The following STRIP1 variants were observed in gnomAD, a reference collection of about 807,000 sequenced individuals.
STRIP1 encodes striatin interacting protein 1, also known as striatin-interacting protein 1.
In STRIP1, 63 loss-of-function variants were observed where a neutral mutation model predicts 106.2. That is an observed-to-expected ratio of 0.59 (90% confidence interval 0.48 to 0.73). The LOEUF is 0.73. Among genes scored for constraint, STRIP1 ranks in the 30% least tolerant of loss-of-function variants. STRIP1 has a pLI of 0.00. For missense variants in STRIP1, 857 were observed against 1,074.8 expected (o/e 0.80, Z 2.83); for synonymous variants, 390 against 413.0 (o/e 0.94, Z 0.67).
At chr1:110,044,960 G>A (rs867180409) in intron 11 of STRIP1, 55 bp downstream of exon 11, 1 of 1,613,452 alleles carries the variant, frequency 6.2e-7, no homozygotes, top group East Asian at 2.2e-5. Context: ...TTGGTGTTTG[G>A]GATCCCAGGT....
intron 12 of STRIP1, 23 bp downstream of exon 12, chr1:110,045,101 T>TA: frequency 6.2e-7 from 1 of 1,612,322 alleles, no homozygotes; most frequent in Non-Finnish European, 8.5e-7. Context: ...GGGTGAGCTT[T>TA]TGGCTTGTTT....
chr1:110,044,715 A>T, intron 10 of STRIP1, 125 bp from the exon 11 acceptor site: 2 of 856,654 alleles, frequency 2.3e-6, no homozygotes, highest in Non-Finnish European at 3.5e-6. Flanking sequence ...AAAGAGAAAA[A>T]CAATTATAGG....
At chr1:110,047,394 A>G (rs1653078693) in intron 13 of STRIP1, 148 bp from the exon 14 acceptor site, 6 of 648,036 alleles carry the variant, frequency 9.3e-6, no homozygotes, top group East Asian at 8.2e-5. Flanking sequence ...TGCTTGGCAC[A>G]TTGTTTGTGT....
At chr1:110,038,900 T>C in intron 3 of STRIP1, 143 bp downstream of exon 3, 1 of 783,596 alleles carries the variant, frequency 1.3e-6, no homozygotes. Context: ...GCCAGATACA[T>C]GTAGAGTGGG....
intron 17 of STRIP1, chr1:110,049,864 G>A (rs1653209884): frequency 6.1e-6 from 2 of 327,278 alleles, no homozygotes; most frequent in Non-Finnish European, 1.1e-5. Context: ...AGGAGTCCAT[G>A]GGCTGCTTGC....
At chr1:110,050,250 G>A in intron 17 of STRIP1, 93 bp from the exon 18 acceptor site, 2 of 1,225,992 alleles carry the variant, frequency 1.6e-6, no homozygotes, top group South Asian at 2.5e-5. Flanking sequence ...AACAAGTGAG[G>A]GAGGAAAGCT....
At chr1:110,046,286 G>A (rs1653014191) in intron 12 of STRIP1, among the ~76,000 whole-genome samples, 1 of 151,988 alleles carries the variant, frequency 6.6e-6, no homozygotes, top group Non-Finnish European at 1.5e-5. Context: ...GATCACCTAA[G>A]GTCAGGAGTT....
At position 110,046,430 on chromosome 1, in the gene STRIP1, G is replaced by A. The variant is rs543754742; in HGVS notation, c.1417-250G>A. ...CAGGAAAATTGCTTGAACCTGGGAGGCGGAGGTGGCAGTGAGCCAAGATCA... is the reference window on the plus strand; with the variant it reads ...CAGGAAAATTGCTTGAACCTGGGAGACGGAGGTGGCAGTGAGCCAAGATCA... On this transcript the variant is annotated intron_variant, in intron 12 of 20. Transcript: ENST00000369795. 2.0e-5 allele frequency among the ~76,000 whole-genome samples: 3 copies of A among 152,278 alleles called. No individual in the cohort carries two copies. The East Asian group carries it at 5.8e-4, about 29-fold the overall frequency.
intron 5 of STRIP1, 132 bp from the exon 6 acceptor site, chr1:110,040,503 C>A: frequency 1.3e-6 from 1 of 789,456 alleles, no homozygotes; most frequent in Non-Finnish European, 2.0e-6. Context: ...TCTTAACCAC[C>A]GTGTCCTGTG....
intron 1 of STRIP1, among the ~76,000 whole-genome samples, chr1:110,037,433 A>C (rs1469922844): frequency 6.6e-6 from 1 of 152,218 alleles, no homozygotes; most frequent in Non-Finnish European, 1.5e-5. Context: ...TTTTGTCCTG[A>C]GCTGTTGACA....
intron 9 of STRIP1, 66 bp downstream of exon 9, chr1:110,043,336 T>A: frequency 3.4e-6 from 5 of 1,488,370 alleles, no homozygotes; most frequent in Non-Finnish European, 4.6e-6. Context: ...AGCAGCACAG[T>A]CCTTGGAGGA....
In STRIP1 at chr1:110,051,721, G is replaced by A. The variant is rs1213887924; in HGVS notation, c.2100G>A (p.Arg700=). 2 of 1,612,270 alleles carry A rather than the reference G, an allele frequency of 1.2e-6. No homozygotes were observed. Among genetic ancestry groups the A allele is most frequent in the Non-Finnish European group, 1.7e-6 (2 of 1,179,442 alleles). The change falls in exon 20 of 21, where the codon CGG becomes CGA. Residue 700 remains arginine (R), a synonymous_variant. Transcript: ENST00000369795. ...TCAAGTCAGCCCCCATCTTGAAGCG[G>A]GCCCTAAAGGTGAAACAAGCCATGA... ...VVFKSAPILK[R]ALKVKQAMMQ...
chr1:110,051,669 G>T lies in STRIP1; in HGVS notation c.2062-14G>T. ...TGTCTTCAACTTGGGCTGCTTGCTT[G>T]TTTCCCTTCCCAGATGCTGGTGGTG... On this transcript the variant is annotated splice_polypyrimidine_tract_variant and intron_variant, in intron 19 of 20. Transcript: ENST00000369795. 6.3e-7 allele frequency: 1 copy of T among 1,588,722 alleles called. No homozygotes were observed.
intron 19 of STRIP1, 128 bp from the exon 20 acceptor site, chr1:110,051,555 T>A: frequency 1.1e-6 from 1 of 937,544 alleles, no homozygotes; most frequent in South Asian, 1.6e-5. Flanking sequence ...AACTCTTCAG[T>A]CCAAGGGAAA....
intron 5 of STRIP1, chr1:110,039,775 G>A: frequency 1.5e-6 from 2 of 1,303,532 alleles, no homozygotes; most frequent in Non-Finnish European, 2.1e-6. Flanking sequence ...GGCCTGGGGT[G>A]CTCCTCAGAA....
At chr1:110,040,273 C>G (rs192904678) in intron 5 of STRIP1, among the ~76,000 whole-genome samples, 27 of 152,294 alleles carry the variant, frequency 1.8e-4, no homozygotes, top group Non-Finnish European at 2.8e-4. Context: ...CCTCCACCTC[C>G]CGGCTTCAAG....
At position 110,039,504 on chromosome 1, in the gene STRIP1, C is replaced by T. The variant is rs753113336; in HGVS notation, c.570C>T (p.Asn190=). ...GTFNALVELL[N]MEIDNSAACS... ...TCAATGCTTTGGTGGAGCTTCTGAA[C>T]ATGGAAATAGAGTGAGCATTTTTGA... is the stretch of plus-strand genomic sequence containing the variant. Residue 190 remains asparagine (N), a synonymous_variant, in exon 5 of 21, where the codon AAC becomes AAT. Coordinates refer to ENST00000369795, the MANE Select transcript of STRIP1 (RefSeq NM_033088.4). 2.5e-6 allele frequency: 4 copies of T among 1,602,978 alleles called. No individual in the cohort carries two copies. The highest frequency in any genetic ancestry group is 1.7e-6 in the Non-Finnish European group (2 of 1,174,854).
Position 110,043,743 on chromosome 1 carries a change from G to C in STRIP1, c.1173G>C (p.Leu391=), listed in dbSNP as rs758469732. 1 of 1,614,204 alleles carries C rather than the reference G, an allele frequency of 6.2e-7. No individual in the cohort carries two copies. Among genetic ancestry groups the C allele is most frequent in the African/African-American group, 1.3e-5 (1 of 75,062 alleles). The change falls in exon 10 of 21, where the codon CTG becomes CTC. Residue 391 remains leucine, a synonymous_variant. Transcript: ENST00000369795. ...AGGAGAATGATGATGACAACAGTCTGGAGGGGGAGACGTTTCCCCTGGAAC... is the reference window on the plus strand; with the variant it reads ...AGGAGAATGATGATGACAACAGTCTCGAGGGGGAGACGTTTCCCCTGGAAC... ...EEEENDDDNS[L]EGETFPLERD...
rs1337958270 is a variant in STRIP1, at chr1:110,053,669, T to C, written c.2271T>C (p.Leu757=). The C allele has an allele frequency of 1.2e-6, 2 of 1,613,962 alleles. No individual in the cohort carries two copies. The highest frequency in any genetic ancestry group is 4.5e-5 in the East Asian group (2 of 44,868). ...LNDDWAYGND[L]DARPWDFQAE... ...TTTCTTCCTGCTTTGTCTCAGATCT[T>C]GATGCCCGGCCTTGGGACTTCCAGG... is the stretch of plus-strand genomic sequence containing the variant. The change falls in exon 21 of 21, where the codon CTT becomes CTC. Residue 757 remains leucine (L), a synonymous_variant. Transcript: ENST00000369795.
Sources: allele counts gnomAD v4.1 joint callset (sites outside exome capture counted in the v4.1 genomes callset), GRCh38; gene constraint gnomAD v4.1.1; transcripts MANE v1.5; gene names NCBI Gene and HGNC (gene_info 2026-07-23, HGNC 2026-07-21).